Variants in MACROD2 observed in about 807,000 individuals in gnomAD.
MACROD2 encodes mono-ADP ribosylhydrolase 2.
A neutral mutation model predicts 70.4 loss-of-function variants in MACROD2; 36 were observed. That is an observed-to-expected ratio of 0.51 (90% CI 0.39 to 0.68). MACROD2 has a LOEUF of 0.68. MACROD2 is among the 30% of genes least tolerant of loss of function. The probability of loss-of-function intolerance (pLI) is 0.00; values close to 1 mark genes in which losing one functional copy is unlikely to be tolerated. For synonymous variants in MACROD2, 172 were observed against 178.8 expected (o/e 0.96, Z 0.30); for missense variants, 496 against 538.4 (o/e 0.92, Z 0.78).
chr20:15,003,000 T>A (rs1346502143), intron 5 of MACROD2, among the ~76,000 whole-genome samples: 1 of 152,224 alleles, frequency 6.6e-6, no homozygotes, highest in East Asian at 1.9e-4. Flanking sequence ...ATTAATTTTG[T>A]TACTTTCTAA....
chr20:14,733,055 G>A (rs1025727288), intron 5 of MACROD2, among the ~76,000 whole-genome samples: 2 of 152,018 alleles, frequency 1.3e-5, no homozygotes, highest in Admixed American at 6.6e-5. Context: ...AGCTTTCAGG[G>A]GAAATTCTTA....
rs552950668 is a variant in MACROD2 at position 15,679,779 on chromosome 20, C to T, written c.645+179932C>T. 4.5e-4 allele frequency among the ~76,000 whole-genome samples: 68 copies of T among 152,244 alleles called. 1 individual carries two copies. The highest frequency in any genetic ancestry group is 1.4e-3 in the African/African-American group (60 of 41,544). On this transcript the variant is annotated intron_variant, in intron 8 of 17. Coordinates refer to ENST00000684519, the MANE Select transcript of MACROD2 (RefSeq NM_001351661.2). ...ATTGGGGCTCCAGACAGATGACCCT[C>T]GGAGAGCCATCCCAGCAGAGGCACC...
At chr20:14,854,315 C>T (rs2073230602) in intron 5 of MACROD2, among the ~76,000 whole-genome samples, 1 of 152,060 alleles carries the variant, frequency 6.6e-6, no homozygotes, top group East Asian at 1.9e-4. Flanking sequence ...AATGCTTGTT[C>T]TTGAATTTGC....
At chr20:15,019,830 G>T (rs1464339096) in intron 5 of MACROD2, among the ~76,000 whole-genome samples, 4 of 152,180 alleles carry the variant, frequency 2.6e-5, no homozygotes, top group African/African-American at 9.6e-5. Flanking sequence ...TAAAATTGAG[G>T]ATATTGTGTA....
intron 8 of MACROD2, among the ~76,000 whole-genome samples, chr20:15,676,294 T>C (rs1490606279): frequency 6.6e-6 from 1 of 152,226 alleles, no homozygotes; most frequent in Admixed American, 6.5e-5. Context: ...TAACAGTGAT[T>C]TGAGTCATGC....
intron 3 of MACROD2, among the ~76,000 whole-genome samples, chr20:14,470,652 G>C (rs565922012): frequency 6.6e-6 from 1 of 152,264 alleles, no homozygotes; most frequent in South Asian, 2.1e-4. Flanking sequence ...AGGCAGTCTG[G>C]CTACAGTGGC....
intron 8 of MACROD2, among the ~76,000 whole-genome samples, chr20:15,819,197 C>CTATATATTTATATATATAAAAATA (rs1310780711): frequency 0.12 from 16,915 of 138,128 alleles, 1,354 homozygotes; most frequent in Middle Eastern, 0.26. Context: ...AAATCTGTAT[C>CTATATATTTATATATATAAAAATA]TATATATTTA....
intron 5 of MACROD2, among the ~76,000 whole-genome samples, chr20:15,211,171 T>C (rs1030761107): frequency 1.3e-5 from 2 of 152,348 alleles, no homozygotes; most frequent in East Asian, 3.9e-4. Flanking sequence ...ATTCTGGACA[T>C]CTTATATAAA....
chr20:15,618,549 T>G (rs2049075089), intron 8 of MACROD2, among the ~76,000 whole-genome samples: 1 of 122,240 alleles, frequency 8.2e-6, no homozygotes, highest in African/African-American at 3.2e-5. Flanking sequence ...GCCCCCAAGA[T>G]TTCATTGAGA....
chr20:14,700,313 G>A (rs952476429), intron 5 of MACROD2, among the ~76,000 whole-genome samples: 14 of 150,900 alleles, frequency 9.3e-5, no homozygotes, highest in Admixed American at 3.4e-4. Context: ...GCAACGTGCC[G>A]TGTAGCATTA....
intron 2 of MACROD2, among the ~76,000 whole-genome samples, chr20:14,057,820 C>T (rs926783492): frequency 6.6e-6 from 1 of 152,142 alleles, no homozygotes. Flanking sequence ...TAATTCAGTG[C>T]TGTATAGTAA....
chr20:14,954,824 A>ATAAATATTTATATTATATCTAAT (rs1555855462), intron 5 of MACROD2, among the ~76,000 whole-genome samples: 4 of 87,654 alleles, frequency 4.6e-5, no homozygotes, highest in Non-Finnish European at 7.6e-5. Flanking sequence ...AATATAAATT[A>ATAAATATTTATATTATATCTAAT]TAAATATATT....
intron 5 of MACROD2, among the ~76,000 whole-genome samples, chr20:14,896,838 GT>G (rs2073836245): frequency 6.8e-6 from 1 of 147,444 alleles, no homozygotes; most frequent in African/African-American, 2.5e-5. Flanking sequence ...TATAAACAAT[GT>G]TTTTAATCAC....
At chr20:15,642,872 G>T (rs1320212739) in intron 8 of MACROD2, among the ~76,000 whole-genome samples, 1 of 152,044 alleles carries the variant, frequency 6.6e-6, no homozygotes, top group Non-Finnish European at 1.5e-5. Context: ...GGGACATTCT[G>T]TCTGGACTCA....
chr20:15,815,444 T>C (rs1323865527), intron 8 of MACROD2, among the ~76,000 whole-genome samples: 1 of 151,832 alleles, frequency 6.6e-6, no homozygotes, highest in Non-Finnish European at 1.5e-5. Flanking sequence ...TAAAATAAAA[T>C]GGAACTCCAG....
intron 8 of MACROD2, among the ~76,000 whole-genome samples, chr20:15,774,078 G>A (rs2051681048): frequency 6.6e-6 from 1 of 152,088 alleles, no homozygotes; most frequent in South Asian, 2.1e-4. Flanking sequence ...TTTCTTTAAT[G>A]TAATAAAATA....
intron 3 of MACROD2, among the ~76,000 whole-genome samples, chr20:14,414,091 C>T (rs2083778039): frequency 1.3e-5 from 2 of 152,142 alleles, no homozygotes; most frequent in Non-Finnish European, 2.9e-5. Flanking sequence ...CATTCATTTG[C>T]TGACAACTCT....
intron 3 of MACROD2, among the ~76,000 whole-genome samples, chr20:14,124,228 A>G (rs2054618788): frequency 6.6e-6 from 1 of 152,150 alleles, no homozygotes; most frequent in Admixed American, 6.6e-5. Context: ...TTGGTGTCAA[A>G]CTGTTTTTTA....
intron 3 of MACROD2, among the ~76,000 whole-genome samples, chr20:14,249,473 G>T (rs1266957886): frequency 6.6e-6 from 1 of 151,936 alleles, no homozygotes; most frequent in Admixed American, 6.6e-5. Flanking sequence ...CAAGAGATAG[G>T]CTTCGTCTTG....
Sources: gnomAD v4.1 joint callset for allele counts (sites outside exome capture counted in the v4.1 genomes callset) on GRCh38, gnomAD v4.1.1 for gene constraint, MANE v1.5 for transcripts, NCBI Gene and HGNC (gene_info 2026-07-23, HGNC 2026-07-21) for gene names.